CHFR: variants seen among roughly 807,000 people sequenced by gnomAD.
CHFR encodes E3 ubiquitin-protein ligase CHFR.
In CHFR, 57 loss-of-function variants were observed where a neutral mutation model predicts 87.6. The ratio of observed to expected loss-of-function variants is 0.65; its 90% CI spans 0.53 to 0.81. The LOEUF (loss-of-function observed/expected upper bound fraction) is 0.81. Ranked by LOEUF, CHFR falls within the 30% of genes least tolerant of loss-of-function variation. The pLI is 0.00. For missense variants in CHFR, 797 were observed against 865.8 expected (o/e 0.92, Z 1.00); for synonymous variants, 381 against 359.2 (o/e 1.06, Z -0.69).
In CHFR at chr12:132,832,525, G is replaced by C. The variant is rs940186812; in HGVS notation, c.*9029C>G. The C allele has an allele frequency of 2.0e-5, 3 of 152,154 alleles. No individual in the cohort carries two copies. Among genetic ancestry groups the C allele is most frequent in the African/African-American group, 7.2e-5 (3 of 41,416 alleles). 9.4% of individuals were successfully genotyped at this position (152,154 alleles called of 1,614,324 possible). The stretch of plus-strand genomic sequence containing the variant: ...CAGGCTTGAGGTGATGGATACCCCA[G>C]TTACTGGGAGTTGATCATTATACAT... On this transcript the variant is annotated 3_prime_UTR_variant, in exon 18 of 18. Transcript: ENST00000450056.
chr12:132,853,279 G>T, intron 11 of CHFR, 152 bp downstream of exon 11: 1 of 762,814 alleles, frequency 1.3e-6, no homozygotes, highest in Non-Finnish European at 1.9e-6. Flanking sequence ...GCAACCAACT[G>T]TGAGTGCAGG....
chr12:132,861,993 C>A (rs1321177700), intron 6 of CHFR: 3 of 219,280 alleles, frequency 1.4e-5, no homozygotes, highest in Non-Finnish European at 1.9e-5. Flanking sequence ...GAGCTTTGGG[C>A]CGGGTGCGGT....
At chr12:132,871,473 T>C (rs1951487700) in intron 4 of CHFR, among the ~76,000 whole-genome samples, 2 of 151,116 alleles carry the variant, frequency 1.3e-5, no homozygotes, top group Non-Finnish European at 1.5e-5. Flanking sequence ...ATTTAAAAAA[T>C]TAAATAAATA....
At chr12:132,877,475 G>T in intron 3 of CHFR, 80 bp downstream of exon 3, 1 of 862,218 alleles carries the variant, frequency 1.2e-6, no homozygotes, top group Non-Finnish European at 1.8e-6. Flanking sequence ...CTCCTCAGCC[G>T]TGGCACACAG....
At chr12:132,885,147 C>T (rs192432877) in intron 2 of CHFR, among the ~76,000 whole-genome samples, 8 of 151,766 alleles carry the variant, frequency 5.3e-5, no homozygotes, top group Admixed American at 1.3e-4. Flanking sequence ...CGATAGCTCA[C>T]GCCTGTAATC....
chr12:132,857,404 C>T lies in CHFR; in HGVS notation c.1066+1G>A. ...GTGCTGGTGTGGATGCCCTCACTTG[C>T]CTGGATGCTGGATGAGGTATGCTTC... On this transcript the variant is annotated splice_donor_variant, in intron 9 of 17. Transcript: ENST00000450056. LOFTEE classifies it high-confidence loss of function. The T allele has an allele frequency of 6.2e-7, 1 of 1,613,984 alleles. No individual in the cohort carries two copies. The highest frequency in any genetic ancestry group is 1.1e-5 in the South Asian group (1 of 91,068).
At position 132,872,342 on chromosome 12, in the gene CHFR, G is replaced by T. The variant is rs1220821081; in HGVS notation, c.286C>A (p.Pro96Thr). ...TAGATGACATCCCCAGTCTGTAAAG[G>T]GCATGTCTGCTTCTTAACAACCTTC... ...KLKVVKKQTC[P>T]LQTGDVIYLV... Residue 96 changes from proline (P) to threonine (T), a missense_variant, in exon 4 of 18, where the codon CCT (proline) becomes ACT (threonine). This residue lies in a region of CHFR where 597 missense variants were observed against 601.2 expected (regional missense o/e 0.99). Coordinates refer to ENST00000450056, the MANE Select transcript of CHFR (RefSeq NM_001161346.2). 2.5e-6 allele frequency: 4 copies of T among 1,613,468 alleles called. No individual in the cohort carries two copies. The highest frequency in any genetic ancestry group is 3.3e-5 in the Admixed American group (2 of 59,978).
chr12:132,877,335 CA>C (rs1951651974), intron 3 of CHFR, among the ~76,000 whole-genome samples: 1 of 152,112 alleles, frequency 6.6e-6, no homozygotes. Context: ...AAGTATACTC[CA>C]TGATGTTTGC....
chr12:132,887,408 AC>A (rs1344115312), intron 1 of CHFR, 68 bp from the exon 2 acceptor site: 21 of 1,131,218 alleles, frequency 1.9e-5, no homozygotes, highest in Non-Finnish European at 2.3e-5. Flanking sequence ...CGCCCGCCCC[AC>A]CCCGCGGGCC....
chr12:132,856,414 T>G (rs761548741), intron 10 of CHFR, 54 bp downstream of exon 10: 215 of 1,589,794 alleles, frequency 1.4e-4, no homozygotes, highest in Admixed American at 2.5e-4. Flanking sequence ...TCGGTCACGG[T>G]TGTGATGCTC....
chr12:132,866,833 C>T (rs975343174), intron 6 of CHFR: 1 of 152,248 alleles, frequency 6.6e-6, no homozygotes, highest in Non-Finnish European at 1.5e-5. Flanking sequence ...GAACACTCTG[C>T]TCCTGGTGAC....
chr12:132,832,406 G>C lies in CHFR; in HGVS notation c.*9148C>G, dbSNP rs895529545. The C allele has an allele frequency of 2.6e-5, 4 of 152,108 alleles. No individual in the cohort carries two copies. Among genetic ancestry groups the C allele is most frequent in the Admixed American group, 2.0e-4 (3 of 15,244 alleles). The allele number at this position is 152,108 out of a possible 1,614,324, so 9.4% of individuals were successfully genotyped here. A position where few individuals can be genotyped will look rare whatever the true frequency, so the allele number is the denominator to read the frequency against. On this transcript the variant is annotated 3_prime_UTR_variant, in exon 18 of 18. Transcript: ENST00000450056. ...TTAGCATAAGATCTAGTATTCCATA[G>C]CACAGGAGGGTGAATATAGTTAATA...
In CHFR at chr12:132,859,241, G is replaced by A. The variant is rs1364606673; in HGVS notation, c.752-14C>T. The A allele has an allele frequency of 1.2e-6, 2 of 1,609,220 alleles. No homozygotes were observed. The highest frequency in any genetic ancestry group is 1.7e-5 in the Admixed American group (1 of 59,544). On this transcript the variant is annotated splice_polypyrimidine_tract_variant and intron_variant, in intron 7 of 17. Transcript: ENST00000450056. ...CAAGGTCCCCATCTACAGGAGAAAGGGATGTGTTCTGTCGTAACCAAGAAG... is the reference window on the plus strand; with the variant it reads ...CAAGGTCCCCATCTACAGGAGAAAGAGATGTGTTCTGTCGTAACCAAGAAG...
Position 132,871,772 on chromosome 12 carries a change from C to CA in CHFR, c.343+512dup, listed in dbSNP as rs879550148. On this transcript the variant is annotated intron_variant, in intron 4 of 17. Transcript: ENST00000450056. Reference sequence around the variant, plus strand: ...GGGCAACAAGAGCGAAACTCTATCTCAAAAAAAAAAAAGTATTTCAGGGGT... The same window carrying CA: ...GGGCAACAAGAGCGAAACTCTATCTCAAAAAAAAAAAAAGTATTTCAGGGGT... 5.0e-4 allele frequency: 71 copies of CA among 142,642 alleles called. 1 individual carries two copies. In the East Asian group the frequency reaches 5.1e-3, roughly 10 times the overall value. 8.8% of individuals were successfully genotyped at this position (142,642 alleles called of 1,614,324 possible).
At chr12:132,848,977 C>T in intron 12 of CHFR, 3 of 466,912 alleles carry the variant, frequency 6.4e-6, no homozygotes, top group South Asian at 3.0e-5. Flanking sequence ...GATGGAGTCT[C>T]GCTCTGTGGC....
chr12:132,856,425 C>CT (rs1245537408), intron 10 of CHFR, 43 bp downstream of exon 10: 2 of 1,608,480 alleles, frequency 1.2e-6, no homozygotes, highest in Non-Finnish European at 1.7e-6. Flanking sequence ...TGTGATGCTC[C>CT]TCTGGCTCAC....
rs1025911929 is a variant in CHFR, at chr12:132,853,961, C to G, written c.1230-388G>C. On this transcript the variant is annotated intron_variant, in intron 10 of 17. Transcript: ENST00000450056. ...AAAGCAGAGCGCGGTGGGCAACGTACTGGGAGCCACACCAGGCGCCTGCAA... is the reference window on the plus strand; with the variant it reads ...AAAGCAGAGCGCGGTGGGCAACGTAGTGGGAGCCACACCAGGCGCCTGCAA... 7 of 183,672 alleles carry G rather than the reference C, an allele frequency of 3.8e-5. 1 individual carries two copies. In the South Asian group the frequency reaches 1.1e-3, roughly 28 times the overall value. 11.4% of individuals were successfully genotyped at this position (183,672 alleles called of 1,614,324 possible).
intron 2 of CHFR, among the ~76,000 whole-genome samples, chr12:132,879,420 T>G (rs1174878333): frequency 6.7e-6 from 1 of 150,260 alleles, no homozygotes; most frequent in Admixed American, 6.7e-5. Context: ...AGACGGAGTC[T>G]CTTTCTGTGG....
chr12:132,869,801 T>C lies in CHFR; in HGVS notation c.404-3A>G. On this transcript the variant is annotated splice_region_variant and splice_polypyrimidine_tract_variant and intron_variant, in intron 5 of 17. Transcript: ENST00000450056. ...CCCTGCACCTGCACCTGAGGTATCTTTGGTCCCATGGAACACATTTTCCTT... is the reference window on the plus strand; with the variant it reads ...CCCTGCACCTGCACCTGAGGTATCTCTGGTCCCATGGAACACATTTTCCTT... The C allele has an allele frequency of 6.4e-7, 1 of 1,551,396 alleles. No homozygotes were observed. The highest frequency in any genetic ancestry group is 8.7e-7 in the Non-Finnish European group (1 of 1,146,980).
Sources: gnomAD v4.1 joint callset for allele counts (sites outside exome capture counted in the v4.1 genomes callset) on GRCh38, gnomAD v4.1.1 for gene constraint, gnomAD v4.1.1 regional missense constraint, MANE v1.5 for transcripts, NCBI Gene and HGNC (gene_info 2026-07-23, HGNC 2026-07-21) for gene names.